The following CSMD1 variants were observed in gnomAD, a reference collection of about 807,000 sequenced individuals.
The protein encoded by CSMD1 is CUB and sushi domain-containing protein 1.
A neutral mutation model predicts 417.5 loss-of-function variants in CSMD1; 213 were observed. The observed-to-expected ratio is 0.51, with a 90% CI of 0.46 to 0.57. The LOEUF is 0.57. CSMD1 is among the 20% of genes least tolerant of loss of function. The probability of loss-of-function intolerance (pLI) is 0.00; values close to 1 mark genes in which losing one functional copy is unlikely to be tolerated. For synonymous variants in CSMD1, 2,862 were observed against 1,736.8 expected, an observed-to-expected ratio of 1.65 and a Z score of -16.11; for missense variants, 6,923 against 4,529.7, an observed-to-expected ratio of 1.53 and a Z score of -15.17.
At chr8:4,021,535 A>T (rs1430386958) in intron 4 of CSMD1, among the ~76,000 whole-genome samples, 2 of 152,140 alleles carry the variant, frequency 1.3e-5, no homozygotes, top group African/African-American at 4.8e-5. Flanking sequence ...TGCTCCAGCA[A>T]GGATCAGCTC....
chr8:4,776,564 A>G (rs1367383399), intron 1 of CSMD1, among the ~76,000 whole-genome samples: 4 of 152,156 alleles, frequency 2.6e-5, no homozygotes, highest in Non-Finnish European at 1.5e-5. Context: ...TACGGGCTGC[A>G]TTGTTCTCCA....
intron 1 of CSMD1, among the ~76,000 whole-genome samples, chr8:4,806,986 A>G (rs1328603620): frequency 6.6e-6 from 1 of 152,242 alleles, no homozygotes; most frequent in Non-Finnish European, 1.5e-5. Flanking sequence ...CAAAAGAACC[A>G]CATACAAAGA....
At chr8:4,466,441 G>C (rs986306448) in intron 2 of CSMD1, among the ~76,000 whole-genome samples, 1 of 31,182 alleles carries the variant, frequency 3.2e-5, no homozygotes, top group Non-Finnish European at 7.4e-5. Context: ...CTTCAAATGA[G>C]TATATATATA....
At chr8:4,694,554 G>T (rs987123456) in intron 1 of CSMD1, among the ~76,000 whole-genome samples, 2 of 151,592 alleles carry the variant, frequency 1.3e-5, no homozygotes, top group South Asian at 2.1e-4. Context: ...TAGTAGAGAC[G>T]GGGTTTCACC....
intron 1 of CSMD1, among the ~76,000 whole-genome samples, chr8:4,853,720 G>A (rs978031681): frequency 6.6e-6 from 1 of 152,172 alleles, no homozygotes; most frequent in Non-Finnish European, 1.5e-5. Context: ...AGATCTAACA[G>A]CATCATGCAA....
chr8:3,920,443 C>G (rs1197838072), intron 5 of CSMD1, among the ~76,000 whole-genome samples: 3 of 151,958 alleles, frequency 2.0e-5, no homozygotes, highest in South Asian at 2.1e-4. Flanking sequence ...AATTTTACTT[C>G]TTACTTTCCA....
At chr8:4,829,552 G>C (rs1457520034) in intron 1 of CSMD1, among the ~76,000 whole-genome samples, 1 of 151,900 alleles carries the variant, frequency 6.6e-6, no homozygotes, top group Non-Finnish European at 1.5e-5. Context: ...GAGCAGTCTG[G>C]GCAACATGGC....
Position 3,603,413 on chromosome 8 carries a change from C to T in CSMD1, c.1097+13297G>A, listed in dbSNP as rs540043147. On this transcript the variant is annotated intron_variant, in intron 8 of 69. Transcript: ENST00000635120. ...AATACAGCACGTCAGGAAAGGCTTGCGAGCTAAAGCCTCCTTTCTTTATAT... is the reference window on the plus strand; with the variant it reads ...AATACAGCACGTCAGGAAAGGCTTGTGAGCTAAAGCCTCCTTTCTTTATAT... Among the ~76,000 whole-genome samples, 84 of 152,200 alleles carry T rather than the reference C, an allele frequency of 5.5e-4. 1 individual carries two copies. The highest frequency in any genetic ancestry group is 1.9e-3 in the African/African-American group (80 of 41,530).
chr8:3,232,186 A>T (rs965563001), intron 26 of CSMD1, among the ~76,000 whole-genome samples: 2 of 152,166 alleles, frequency 1.3e-5, no homozygotes, highest in South Asian at 4.1e-4. Context: ...TATGTTTATC[A>T]TTCCCTTGCT....
At chr8:4,973,187 T>G (rs1465570984) in intron 1 of CSMD1, among the ~76,000 whole-genome samples, 2 of 152,134 alleles carry the variant, frequency 1.3e-5, no homozygotes, top group East Asian at 3.9e-4. Context: ...TTTATTACTT[T>G]TTAGTGCCTT....
chr8:4,537,002 C>G (rs535842911), intron 2 of CSMD1, among the ~76,000 whole-genome samples: 10 of 152,082 alleles, frequency 6.6e-5, no homozygotes, highest in Admixed American at 2.6e-4. Context: ...ACATATCATA[C>G]AAATTTGAGC....
chr8:2,946,802 A>G (rs768309791), intron 68 of CSMD1, among the ~76,000 whole-genome samples: 7 of 152,198 alleles, frequency 4.6e-5, no homozygotes, highest in Non-Finnish European at 1.0e-4. Context: ...ATGAACTACC[A>G]GAGTGTTTTC....
In CSMD1 at chr8:3,851,124, T is replaced by C. The variant is rs114056548; in HGVS notation, c.819-97082A>G. ...ATCATTAAAGATGAATTGTTTTCCATGTAAAATAAGATTTCTGAGGAGCTA... is the reference window on the plus strand; with the variant it reads ...ATCATTAAAGATGAATTGTTTTCCACGTAAAATAAGATTTCTGAGGAGCTA... On this transcript the variant is annotated intron_variant, in intron 5 of 69. Transcript: ENST00000635120. 3.4e-3 allele frequency among the ~76,000 whole-genome samples: 512 copies of C among 152,360 alleles called. 2 individuals carry two copies. The highest frequency in any genetic ancestry group is 0.01 in the African/African-American group (436 of 41,584).
chr8:3,496,440 G>A (rs953639229), intron 10 of CSMD1, among the ~76,000 whole-genome samples: 2 of 152,176 alleles, frequency 1.3e-5, no homozygotes. Context: ...ACTCCTCCAG[G>A]CCACAGAGCT....
rs1407296926 is a variant in CSMD1 at position 4,057,558 on chromosome 8, T to G, written c.416-25459A>C. Reference sequence around the variant, plus strand: ...TTTAATTAGATCCCATTTGTCAATTTTGGCTTTTGTTGCCATTGCTTTTGG... The same window carrying G: ...TTTAATTAGATCCCATTTGTCAATTGTGGCTTTTGTTGCCATTGCTTTTGG... On this transcript the variant is annotated intron_variant, in intron 3 of 69. Coordinates refer to ENST00000635120, the MANE Select transcript of CSMD1 (RefSeq NM_033225.6). 1.1e-4 allele frequency among the ~76,000 whole-genome samples: 17 copies of G among 152,180 alleles called. No individual in the cohort carries two copies. In the East Asian group the frequency reaches 2.7e-3, roughly 24 times the overall value.
At chr8:3,868,637 C>G (rs537931275) in intron 5 of CSMD1, among the ~76,000 whole-genome samples, 1 of 152,242 alleles carries the variant, frequency 6.6e-6, no homozygotes, top group East Asian at 1.9e-4. Flanking sequence ...AAACAAGTTC[C>G]TAATATTTCT....
chr8:4,902,885 T>G (rs1196623597), intron 1 of CSMD1, among the ~76,000 whole-genome samples: 1 of 151,656 alleles, frequency 6.6e-6, no homozygotes, highest in Non-Finnish European at 1.5e-5. Flanking sequence ...ACATATGTAC[T>G]GCATGTATAT....
chr8:3,074,106 T>A (rs539579246), intron 49 of CSMD1, among the ~76,000 whole-genome samples: 1 of 152,140 alleles, frequency 6.6e-6, no homozygotes, highest in Non-Finnish European at 1.5e-5. Context: ...GTGGCAGAAA[T>A]ACGTTTCTTG....
In CSMD1 at chr8:4,372,937, A is replaced by G. The variant is rs747085397; in HGVS notation, c.415+47016T>C. Among the ~76,000 whole-genome samples the G allele has an allele frequency of 6.6e-5, 10 of 152,228 alleles. 1 individual carries two copies. Among genetic ancestry groups the G allele is most frequent in the Admixed American group, 2.6e-4 (4 of 15,276 alleles). ...CCTTAAGCATGAGTAGCACATAGTG[A>G]TTTGCTTCCGAAGAGTGCAGTGTGG... is the stretch of plus-strand genomic sequence containing the variant. On this transcript the variant is annotated intron_variant, in intron 3 of 69. Transcript: ENST00000635120.
Sources: allele counts gnomAD v4.1 joint callset (sites outside exome capture counted in the v4.1 genomes callset), GRCh38; gene constraint gnomAD v4.1.1; transcripts MANE v1.5; gene names NCBI Gene and HGNC (gene_info 2026-07-23, HGNC 2026-07-21).